CEP164: variants seen among roughly 807,000 people sequenced by gnomAD.
The protein encoded by CEP164 is centrosomal protein of 164 kDa.
In CEP164, 162 loss-of-function variants were observed where a neutral mutation model predicts 182.7. The observed-to-expected ratio is 0.89, with a 90% confidence interval of 0.78 to 1.01. CEP164 has a LOEUF of 1.01. Ranked by LOEUF, CEP164 falls within the 50% of genes least tolerant of loss-of-function variation. The pLI, the probability that CEP164 is intolerant of heterozygous loss-of-function variation, is 0.00. For synonymous variants in CEP164, 661 were observed against 690.0 expected (o/e 0.96, Z 0.66); for missense variants, 1,735 against 1,790.4 (o/e 0.97, Z 0.56).
Position 117,411,383 on chromosome 11 carries a change from TTCATC to T in CEP164, c.4164-407_4164-403del, listed in dbSNP as rs1424994428. The stretch of plus-strand genomic sequence containing the variant: ...ATTTAAACCTGTTATTAATTTTCCA[TTCATC>T]TCATTCCTTGCCAAATGTTTTCCCC... On this transcript the variant is annotated intron_variant, in intron 31 of 32. Transcript: ENST00000278935. This position sits in a 1 kb window ranked among gnomAD's most constrained non-coding sequence, Gnocchi z 4.4. 1 of 245,930 alleles carries T rather than the reference TTCATC, an allele frequency of 4.1e-6. No homozygotes were observed. The highest frequency in any genetic ancestry group is 7.9e-6 in the Non-Finnish European group (1 of 125,912). 15.2% of individuals were successfully genotyped at this position (245,930 alleles called of 1,614,324 possible). A position where few individuals can be genotyped will look rare whatever the true frequency, so the allele number is the denominator to read the frequency against.
intron 2 of CEP164, among the ~76,000 whole-genome samples, chr11:117,338,003 C>CT (rs1049928917): frequency 3.5e-4 from 54 of 152,184 alleles, no homozygotes; most frequent in African/African-American, 1.3e-3. Flanking sequence ...TCCTTCCTTC[C>CT]TTTTTTTGGG....
chr11:117,346,355 G>A (rs1463677164), intron 4 of CEP164, among the ~76,000 whole-genome samples: 2 of 151,810 alleles, frequency 1.3e-5, no homozygotes, highest in African/African-American at 4.8e-5. Flanking sequence ...TGCAACCTCG[G>A]CTCACTGCAG....
Position 117,390,878 on chromosome 11 carries a change from C to G in CEP164, c.2036C>G (p.Ser679Cys), listed in dbSNP as rs2044558011. 6.2e-7 allele frequency: 1 copy of G among 1,613,778 alleles called. No homozygotes were observed. Among genetic ancestry groups the G allele is most frequent in the Non-Finnish European group, 8.5e-7 (1 of 1,180,006 alleles). The change falls in exon 16 of 33, where the codon TCC becomes TGC. Residue 679 changes from serine to cysteine, a missense_variant. By Grantham distance (112) the Ser-to-Cys change is moderately radical (BLOSUM62 -1). Transcript: ENST00000278935. ...TCCTGGCTCCGAGCTCAGGTCCAGT[C>G]CAGCACACAAGCAGATGAGGACCAA... ...RLSWLRAQVQ[S>C]STQADEDQIR... is the part of the protein sequence containing the mutation.
At position 117,390,768 on chromosome 11, in the gene CEP164, C is replaced by A; in HGVS notation, c.1935-9C>A. ...TCTCTGACAACCTAGCCTTTCCTTT[C>A]CATCTCAGTTCCTTGAGGGAGCGGC... On this transcript the variant is annotated splice_polypyrimidine_tract_variant and intron_variant, in intron 15 of 32. Transcript: ENST00000278935. 1 of 1,613,930 alleles carries A rather than the reference C, an allele frequency of 6.2e-7. No individual in the cohort carries two copies. Among genetic ancestry groups the A allele is most frequent in the South Asian group, 1.1e-5 (1 of 91,058 alleles).
chr11:117,334,185 G>T (rs1020370134), intron 1 of CEP164, among the ~76,000 whole-genome samples: 1 of 152,156 alleles, frequency 6.6e-6, no homozygotes, highest in African/African-American at 2.4e-5. Context: ...CATCTCTAGC[G>T]CCTAGAAATA....
intron 14 of CEP164, chr11:117,384,630 G>A (rs2043736254): frequency 6.6e-6 from 1 of 152,248 alleles, no homozygotes; most frequent in African/African-American, 2.4e-5. Context: ...CGCCATCCCA[G>A]CGAGGCTGCC....
intron 14 of CEP164, 192 bp from the exon 15 acceptor site, chr11:117,387,011 C>G (rs1223367872): frequency 1.7e-6 from 1 of 596,544 alleles, no homozygotes; most frequent in East Asian, 2.8e-5. Flanking sequence ...CTTAAACAGC[C>G]ACAATGGGGC....
At position 117,413,179 on chromosome 11, in the gene CEP164, CTG is replaced by C. The variant is rs1227939248; in HGVS notation, c.*1012_*1013del. ...GCAGCCCCGCTTCCATCAGCAGGCTCTGGGGTGGGGGCTTTGCAGGGGATGCT... is the reference window on the plus strand; with the variant it reads ...GCAGCCCCGCTTCCATCAGCAGGCTCGGGTGGGGGCTTTGCAGGGGATGCT... On this transcript the variant is annotated 3_prime_UTR_variant, in exon 33 of 33. Coordinates refer to ENST00000278935, the MANE Select transcript of CEP164 (RefSeq NM_014956.5). 1 of 152,018 alleles carries C rather than the reference CTG, an allele frequency of 6.6e-6. No individual in the cohort carries two copies. The highest frequency in any genetic ancestry group is 1.5e-5 in the Non-Finnish European group (1 of 68,008). 9.4% of individuals were successfully genotyped at this position (152,018 alleles called of 1,614,324 possible). A position where few individuals can be genotyped will look rare whatever the true frequency, so the allele number is the denominator to read the frequency against.
Position 117,387,342 on chromosome 11 carries a change from C to T in CEP164, c.1864C>T (p.Arg622Trp), listed in dbSNP as rs760666687. The T allele has an allele frequency of 3.2e-5, 52 of 1,614,188 alleles. 1 individual carries two copies. In the South Asian group the frequency reaches 4.2e-4, roughly 13 times the overall value. ...ESKQEKMQQL[R>W]EKLCQEEEEE... ...CAAGCAAGAGAAGATGCAGCAACTG[C>T]GGGAGAAGCTGTGCCAAGAGGAGGA... The change falls in exon 15 of 33, where the codon CGG becomes TGG. Residue 622 changes from arginine (R) to tryptophan (W), a missense_variant. By Grantham distance (101) the Arg-to-Trp change is moderately radical. Transcript: ENST00000278935.
intron 2 of CEP164, chr11:117,336,340 A>G (rs982244137): frequency 4.1e-6 from 6 of 1,466,132 alleles, no homozygotes; most frequent in Admixed American, 3.4e-5. Context: ...TGGTCTGACC[A>G]TGCCAGGAGC....
Position 117,381,776 on chromosome 11 carries a change from C to A in CEP164, c.1485C>A (p.Pro495=). The A allele has an allele frequency of 6.3e-7, 1 of 1,597,474 alleles. No individual in the cohort carries two copies. Among genetic ancestry groups the A allele is most frequent in the Non-Finnish European group, 8.5e-7 (1 of 1,171,770 alleles). ...GCCTGGCCACTGAAGAAGAGCCTCC[C>A]CAGGGCCCCGAGGGGCAGCCCGAGT... ...PRSLATEEEP[P]QGPEGQPEWK... is the part of the protein sequence containing the mutation. Residue 495 remains proline (P), a synonymous_variant, in exon 13 of 33, where the codon CCC becomes CCA. Transcript: ENST00000278935.
chr11:117,367,544 C>T (rs896619375), intron 8 of CEP164, among the ~76,000 whole-genome samples: 2 of 152,024 alleles, frequency 1.3e-5, no homozygotes, highest in Non-Finnish European at 2.9e-5. Context: ...TTTTATTATA[C>T]TTTAAGTTTT....
chr11:117,356,818 A>G (rs148152740), intron 5 of CEP164, among the ~76,000 whole-genome samples: 2 of 152,236 alleles, frequency 1.3e-5, no homozygotes, highest in Non-Finnish European at 2.9e-5. Context: ...CACCTGCAAG[A>G]TAGGGCTGAG....
intron 5 of CEP164, among the ~76,000 whole-genome samples, chr11:117,361,028 G>C (rs1050604991): frequency 4.1e-5 from 6 of 147,534 alleles, no homozygotes; most frequent in African/African-American, 1.5e-4. Context: ...TCCGCCTCCC[G>C]GGTTCAAGTG....
At chr11:117,336,617 A>T in intron 2 of CEP164, 1 of 1,284,926 alleles carries the variant, frequency 7.8e-7, no homozygotes, top group Non-Finnish European at 1.1e-6. Context: ...GCTGTCTGGC[A>T]TTGGGATTCC....
intron 14 of CEP164, among the ~76,000 whole-genome samples, chr11:117,383,637 A>G (rs1410572855): frequency 6.6e-6 from 1 of 152,210 alleles, no homozygotes; most frequent in South Asian, 2.1e-4. Context: ...TTCTCCTTCC[A>G]TTCTTACCCT....
rs1276006791 is a variant in CEP164 at position 117,391,335 on chromosome 11, G to A, written c.2283+120G>A. The A allele has an allele frequency of 3.3e-6, 3 of 898,936 alleles. No homozygotes were observed. In the African/African-American group the frequency reaches 5.0e-5, roughly 15 times the overall value. 55.7% of individuals were successfully genotyped at this position (898,936 alleles called of 1,614,324 possible). A position where few individuals can be genotyped will look rare whatever the true frequency, so the allele number is the denominator to read the frequency against. On this transcript the variant is annotated intron_variant, in intron 17 of 32. Coordinates refer to ENST00000278935, the MANE Select transcript of CEP164 (RefSeq NM_014956.5). ...GTGGGCGTGCAGGCTGGGGAGCCAG[G>A]TGGAGAGTAGGTCTCACACACACAG...
rs924075873 is a variant in CEP164, at chr11:117,394,767, A to G, written c.2761-153A>G. 6.6e-6 allele frequency among the ~76,000 whole-genome samples: 1 copy of G among 152,150 alleles called. No homozygotes were observed. The highest frequency in any genetic ancestry group is 2.4e-5 in the African/African-American group (1 of 41,432). ...CCAGCAGGAAGTAAACAAGGTGTGG[A>G]GCCTTCCTGGGAGGCTGCAGGGGCA... On this transcript the variant is annotated intron_variant, in intron 21 of 32. Coordinates refer to ENST00000278935, the MANE Select transcript of CEP164 (RefSeq NM_014956.5). This position sits in a 1 kb window ranked among gnomAD's most constrained non-coding sequence, Gnocchi z 4.0.
chr11:117,342,650 A>G (rs1364582627), intron 3 of CEP164, among the ~76,000 whole-genome samples: 1 of 148,990 alleles, frequency 6.7e-6, no homozygotes, highest in African/African-American at 2.5e-5. Flanking sequence ...TACTTTTTGT[A>G]TTTTTTATAT....
Sources: allele counts gnomAD v4.1 joint callset (sites outside exome capture counted in the v4.1 genomes callset), GRCh38; gene constraint gnomAD v4.1.1; non-coding constraint Gnocchi (gnomAD v3.1); transcripts MANE v1.5; gene names NCBI Gene and HGNC (gene_info 2026-07-23, HGNC 2026-07-21).